Variants in ZNF823 observed in about 807,000 individuals in gnomAD.
ZNF823 encodes zinc finger protein 823, also known as ZFP 36 for a zinc finger protein.
In ZNF823, 5 loss-of-function variants were observed where a neutral mutation model predicts 11.4. That is an observed-to-expected ratio of 0.44 (90% CI 0.23 to 0.92). The LOEUF is 0.92. Among genes scored for constraint, ZNF823 ranks in the 40% least tolerant of loss-of-function variants. The pLI is 0.24. For missense variants in ZNF823, 582 were observed against 738.5 expected (o/e 0.79, Z 2.46); for synonymous variants, 234 against 250.5 (o/e 0.93, Z 0.62).
rs753385081 is a variant in ZNF823 at position 11,722,886 on chromosome 19, T to G, written c.648A>C (p.Gly216=). Residue 216 remains glycine (G), a synonymous_variant, in exon 4 of 4, where the codon GGA becomes GGC. Coordinates refer to ENST00000341191, the MANE Select transcript of ZNF823 (RefSeq NM_001080493.4). This position sits in a 1 kb window ranked among gnomAD's most constrained non-coding sequence, Gnocchi z 5.2. ...LFHLHERTHT[G]EKPYECKQCS... is the part of the protein sequence containing the mutation. ...ACTGCTTACATTCATACGGTTTCTC[T>G]CCAGTGTGTGTTCTTTCGTGCAAAT... 1.9e-6 allele frequency: 3 copies of G among 1,614,214 alleles called. No homozygotes were observed. The South Asian group carries it at 3.3e-5, about 18-fold the overall frequency.
intron 1 of ZNF823, among the ~76,000 whole-genome samples, chr19:11,733,365 C>CAAAAAAA (rs34650100): frequency 1.1e-4 from 10 of 95,232 alleles, no homozygotes; most frequent in Non-Finnish European, 1.3e-4. Context: ...GACTCCATCT[C>CAAAAAAA]AAAAAAAAAA....
At chr19:11,734,372 A>C (rs1011554882) in intron 1 of ZNF823, among the ~76,000 whole-genome samples, 1 of 152,090 alleles carries the variant, frequency 6.6e-6, no homozygotes, top group African/African-American at 2.4e-5. Flanking sequence ...CCCTTTTTAA[A>C]CCTGTAACAA....
intron 1 of ZNF823, among the ~76,000 whole-genome samples, chr19:11,735,179 G>A (rs1288704891): frequency 6.6e-6 from 1 of 150,568 alleles, no homozygotes; most frequent in East Asian, 2.0e-4. Flanking sequence ...GGAGGCTGAG[G>A]CAGGAGAATC....
intron 1 of ZNF823, among the ~76,000 whole-genome samples, chr19:11,731,020 A>C (rs960844436): frequency 4.6e-5 from 7 of 151,810 alleles, no homozygotes; most frequent in Admixed American, 3.9e-4. Flanking sequence ...AAAAAAAAAA[A>C]AACCGCCCGC....
intron 1 of ZNF823, among the ~76,000 whole-genome samples, chr19:11,735,274 C>CA (rs1386385553): frequency 0.093 from 5,156 of 55,242 alleles, 225 homozygotes; most frequent in African/African-American, 0.22. Flanking sequence ...GACTCCATTT[C>CA]AAAAAACAAA....
At chr19:11,730,251 G>A (rs1242632376) in intron 1 of ZNF823, among the ~76,000 whole-genome samples, 1 of 152,082 alleles carries the variant, frequency 6.6e-6, no homozygotes, top group Non-Finnish European at 1.5e-5. Flanking sequence ...AGAAAATAAA[G>A]TAGATCCCAA....
At chr19:11,729,950 C>T (rs286269) in intron 1 of ZNF823, among the ~76,000 whole-genome samples, 1,549 of 144,988 alleles carry the variant, frequency 0.011, 23 homozygotes, top group African/African-American at 0.037. Flanking sequence ...TCCTTTGAGA[C>T]GGAGTTTCGC....
chr19:11,723,046 G>A lies in ZNF823; in HGVS notation c.488C>T (p.Pro163Leu). The A allele has an allele frequency of 6.2e-7, 1 of 1,614,166 alleles. No individual in the cohort carries two copies. Among genetic ancestry groups the A allele is most frequent in the Non-Finnish European group, 8.5e-7 (1 of 1,180,032 alleles). ...TTTTGCACATTCTTTACAATCGAAG[G>A]GTTTCTTTCCGGTGGGGGGCCTTTC... ...THERPPTGKKPFDCKECAKTF... is the reference protein window; with the variant it reads ...THERPPTGKKLFDCKECAKTF... The change falls in exon 4 of 4, where the codon CCC becomes CTC. Residue 163 changes from proline to leucine, a missense_variant. Physicochemically the swap from Pro to Leu is moderately conservative, Grantham distance 98 (BLOSUM62 -3). Coordinates refer to ENST00000341191, the MANE Select transcript of ZNF823 (RefSeq NM_001080493.4).
At chr19:11,729,046 A>G (rs1266354131) in intron 1 of ZNF823, among the ~76,000 whole-genome samples, 1 of 152,004 alleles carries the variant, frequency 6.6e-6, no homozygotes, top group Non-Finnish European at 1.5e-5. Context: ...GTGGCAGTGC[A>G]TGCCTGTAAT....
rs1276195497 is a variant in ZNF823, at chr19:11,738,867, G to A, written c.-48C>T. On this transcript the variant is annotated 5_prime_UTR_variant, in exon 1 of 4. Transcript: ENST00000341191. The stretch of plus-strand genomic sequence containing the variant: ...GTGTCCTCCTTAAAAGCCAGTGTGG[G>A]TCCCAGCGCGACAGACGCTGATACA... The A allele has an allele frequency of 6.3e-7, 1 of 1,596,640 alleles. No homozygotes were observed. Among genetic ancestry groups the A allele is most frequent in the South Asian group, 1.1e-5 (1 of 88,522 alleles).
chr19:11,738,926 G>A lies in ZNF823; in HGVS notation c.-107C>T, dbSNP rs999215231. On this transcript the variant is annotated 5_prime_UTR_variant, in exon 1 of 4. Transcript: ENST00000341191. Reference sequence around the variant, plus strand: ...AGGGCGTCTCTCTCTCAGCGCCAGAGCCAGGACTCAGAGCGCAGGGGCGTG... The same window carrying A: ...AGGGCGTCTCTCTCTCAGCGCCAGAACCAGGACTCAGAGCGCAGGGGCGTG... The A allele has an allele frequency of 4.1e-5, 58 of 1,425,728 alleles. No homozygotes were observed. The highest frequency in any genetic ancestry group is 3.6e-5 in the Non-Finnish European group (38 of 1,062,868). The allele number at this position is 1,425,728 out of a possible 1,614,324, so 88.3% of individuals were successfully genotyped here. A position where few individuals can be genotyped will look rare whatever the true frequency, so the allele number is the denominator to read the frequency against.
In ZNF823 at chr19:11,722,620, G is replaced by A. The variant is rs955939622; in HGVS notation, c.914C>T (p.Ala305Val). ...ERTHTGEQPY[A>V]CKQCGKTFYH... The stretch of plus-strand genomic sequence containing the variant: ...AAACGTTTTCCCACATTGCTTACAT[G>A]CATAGGGTTGTTCTCCCGTGTGAGT... The change falls in exon 4 of 4, where the codon GCA becomes GTA. Residue 305 changes from alanine (A) to valine (V), a missense_variant. Ala to Val is a moderately conservative substitution (Grantham distance 64, BLOSUM62 0). Coordinates refer to ENST00000341191, the MANE Select transcript of ZNF823 (RefSeq NM_001080493.4). The surrounding 1 kb of genome is among the most constrained non-coding windows in gnomAD (Gnocchi z 5.2). The A allele has an allele frequency of 6.2e-7, 1 of 1,613,416 alleles. No individual in the cohort carries two copies. The highest frequency in any genetic ancestry group is 1.3e-5 in the African/African-American group (1 of 74,716).
chr19:11,730,016 T>C lies in ZNF823; in HGVS notation c.4-4689A>G, dbSNP rs140528077. 3.6e-3 allele frequency among the ~76,000 whole-genome samples: 548 copies of C among 151,950 alleles called. 3 individuals are homozygous for C. Among genetic ancestry groups the C allele is most frequent in the Non-Finnish European group, 6.1e-3 (414 of 67,944 alleles). On this transcript the variant is annotated intron_variant, in intron 1 of 3. Transcript: ENST00000341191. ...TGATCTTGGCTCACTGCAACCTCTG[T>C]CGCCTGGGTTCAAGTGATTCTTCTG...
Position 11,725,205 on chromosome 19 carries a change from A to G in ZNF823, c.126T>C (p.Cys42=), listed in dbSNP as rs1974768549. Residue 42 remains cysteine (C), a synonymous_variant, in exon 2 of 4, where the codon TGT becomes TGC. Coordinates refer to ENST00000341191, the MANE Select transcript of ZNF823 (RefSeq NM_001080493.4). ...VMQETIRNLD[C]IEMKWEDQNI... is the part of the protein sequence containing the mutation. Reference sequence around the variant, plus strand: ...AAGAGATGATGTCATCCTTACCTATACAGTCCAGGTTCCTAATGGTTTCCT... The same window carrying G: ...AAGAGATGATGTCATCCTTACCTATGCAGTCCAGGTTCCTAATGGTTTCCT... 2.5e-6 allele frequency: 4 copies of G among 1,613,380 alleles called. No individual in the cohort carries two copies. The highest frequency in any genetic ancestry group is 2.7e-5 in the African/African-American group (2 of 74,896).
At chr19:11,737,350 G>T (rs1330368583) in intron 1 of ZNF823, among the ~76,000 whole-genome samples, 1 of 151,906 alleles carries the variant, frequency 6.6e-6, no homozygotes, top group Non-Finnish European at 1.5e-5. Flanking sequence ...CGCAACCTCC[G>T]CCTACCGGGT....
At chr19:11,736,362 C>CA (rs57088576) in intron 1 of ZNF823, among the ~76,000 whole-genome samples, 59,285 of 151,696 alleles carry the variant, frequency 0.39, 11,513 homozygotes, top group South Asian at 0.44. Flanking sequence ...ACTAAAAATA[C>CA]AAAAGTTTTA....
chr19:11,724,319 T>C (rs904920896), intron 2 of ZNF823, 65 bp from the exon 3 acceptor site: 2 of 1,413,634 alleles, frequency 1.4e-6, no homozygotes, highest in African/African-American at 1.4e-5. Context: ...CTCTAAGATT[T>C]TACGCGTACT....
At position 11,724,193 on chromosome 19, in the gene ZNF823, C is replaced by T. The variant is rs1974747380; in HGVS notation, c.191+1G>A. ...AGCTTTCTTTTGTGGGTGCAAATTACCTTAGATTTCTCTTGGCATTTTGGC... is the reference window on the plus strand; with the variant it reads ...AGCTTTCTTTTGTGGGTGCAAATTATCTTAGATTTCTCTTGGCATTTTGGC... On this transcript the variant is annotated splice_donor_variant, in intron 3 of 3. Transcript: ENST00000341191. LOFTEE classifies it high-confidence loss of function. 17 of 1,607,544 alleles carry T rather than the reference C, an allele frequency of 1.1e-5. No homozygotes were observed. The highest frequency in any genetic ancestry group is 1.4e-5 in the Non-Finnish European group (17 of 1,176,700).
intron 1 of ZNF823, among the ~76,000 whole-genome samples, chr19:11,735,281 CAAAAAAA>C (rs60923876): frequency 6.0e-5 from 6 of 99,366 alleles, no homozygotes; most frequent in South Asian, 3.6e-4. Context: ...TTTCAAAAAA[CAAAAAAA>C]AAAAAAAAAA....
Sources: gnomAD v4.1 joint callset for allele counts (sites outside exome capture counted in the v4.1 genomes callset) on GRCh38, gnomAD v4.1.1 for gene constraint, Gnocchi (gnomAD v3.1) non-coding constraint, MANE v1.5 for transcripts, NCBI Gene and HGNC (gene_info 2026-07-23, HGNC 2026-07-21) for gene names.